MDC1: variants seen among roughly 807,000 people sequenced by gnomAD.
MDC1 encodes the protein mediator of DNA damage checkpoint protein 1.
Under a neutral mutation model 142.5 loss-of-function variants are expected in MDC1, and 81 were observed. The observed-to-expected ratio is 0.57, with a 90% CI of 0.47 to 0.68. The LOEUF (loss-of-function observed/expected upper bound fraction) is 0.68, where lower values mean the gene tolerates loss of function less well. Among genes scored for constraint, MDC1 ranks in the 30% least tolerant of loss-of-function variants. The pLI, the probability that MDC1 is intolerant of heterozygous loss-of-function variation, is 0.00. For synonymous variants in MDC1, 797 were observed against 968.4 expected, an observed-to-expected ratio of 0.82 and a Z score of 3.29; for missense variants, 2,119 against 2,547.9, an observed-to-expected ratio of 0.83 and a Z score of 3.62.
rs1774255596 is a variant in MDC1, at chr6:30,708,324, G to A, written c.2255C>T (p.Thr752Ile). Residue 752 changes from threonine to isoleucine, a missense_variant, in exon 8 of 15, where the codon ACA becomes ATA. Transcript: ENST00000376406. Reference protein sequence around the residue: ...TLDEPWEVLATQPFCLRESED... With the variant: ...TLDEPWEVLAIQPFCLRESED... The stretch of plus-strand genomic sequence containing the variant: ...AGACTCTCTCAGACAGAATGGCTGT[G>A]TAGCCAGGACCTCCCATGGTTCATC... 2 of 1,612,038 alleles carry A rather than the reference G, an allele frequency of 1.2e-6. No homozygotes were observed. Among genetic ancestry groups the A allele is most frequent in the Non-Finnish European group, 1.7e-6 (2 of 1,180,004 alleles).
At position 30,716,227 on chromosome 6, in the gene MDC1, CTTT is replaced by C. The variant is rs113041889; in HGVS notation, c.-4+1015_-4+1017del. ...ATTCAGTTCAAATGTCACTTTCTTT[CTTT>C]TTTTTTTTTTTGAGATGGAATCTCG... On this transcript the variant is annotated intron_variant, in intron 1 of 14. Coordinates refer to ENST00000376406, the MANE Select transcript of MDC1 (RefSeq NM_014641.3). This position sits in a 1 kb window ranked among gnomAD's most constrained non-coding sequence, Gnocchi z 4.4. Among the ~76,000 whole-genome samples, 2 of 144,364 alleles carry C rather than the reference CTTT, an allele frequency of 1.4e-5. No homozygotes were observed. The highest frequency in any genetic ancestry group is 6.9e-5 in the Admixed American group (1 of 14,408). The allele number at this position is 144,364 out of a possible 152,430, so 94.7% of individuals were successfully genotyped here.
In MDC1 at chr6:30,712,285, C is replaced by T. The variant is rs1009033052; in HGVS notation, c.1657G>A (p.Val553Met). The T allele has an allele frequency of 1.2e-6, 2 of 1,613,146 alleles. No homozygotes were observed. Among genetic ancestry groups the T allele is most frequent in the Non-Finnish European group, 1.7e-6 (2 of 1,180,052 alleles). ...VSVEGTNQTD[V>M]KAVGGPAKLL... ...TTTGCTGGTCCCCCAACTGCTTTCA[C>T]ATCTGTTTGATTTGTCCCCTCCACA... is the stretch of plus-strand genomic sequence containing the variant. The change falls in exon 5 of 15, where the codon GTG (valine) becomes ATG (methionine). Residue 553 changes from valine (V) to methionine (M), a missense_variant. Val to Met is a conservative substitution (Grantham distance 21, BLOSUM62 1). Transcript: ENST00000376406. The surrounding 1 kb of genome is among the most constrained non-coding windows in gnomAD (Gnocchi z 4.7).
Position 30,703,494 on chromosome 6 carries a change from G to A in MDC1, c.5606C>T (p.Ala1869Val), listed in dbSNP as rs758154292. The A allele has an allele frequency of 6.2e-7, 1 of 1,613,684 alleles. No homozygotes were observed. Among genetic ancestry groups the A allele is most frequent in the Non-Finnish European group, 8.5e-7 (1 of 1,180,038 alleles). ...TGGTATTCTGTTGGGCTCCTCCTCT[G>A]CCTGGTCTCTCTTTCTCTTGCCTGG... ...PKPGKRKRDQAEEEPNRIPSR... is the reference protein window; with the variant it reads ...PKPGKRKRDQVEEEPNRIPSR... The change falls in exon 11 of 15, where the codon GCA becomes GTA. Residue 1869 changes from alanine (A) to valine (V), a missense_variant. Coordinates refer to ENST00000376406, the MANE Select transcript of MDC1 (RefSeq NM_014641.3). This position sits in a 1 kb window ranked among gnomAD's most constrained non-coding sequence, Gnocchi z 4.4.
In MDC1 at chr6:30,705,042, G is replaced by T. The variant is rs772572746; in HGVS notation, c.4141C>A (p.Gln1381Lys). 4.3e-6 allele frequency: 7 copies of T among 1,612,280 alleles called. No homozygotes were observed. Among genetic ancestry groups the T allele is most frequent in the Non-Finnish European group, 5.9e-6 (7 of 1,179,444 alleles). ...PELPPSTSTE[Q>K]PVTPEPTSRA... ...GATGTGGGCTCAGGGGTGACAGGCT[G>T]CTCTGTGGAGGTGGAAGGTGGGAGC... is the stretch of plus-strand genomic sequence containing the variant. The change falls in exon 10 of 15, where the codon CAG becomes AAG. Residue 1381 changes from glutamine to lysine, a missense_variant. Gln to Lys is a moderately conservative substitution (Grantham distance 53). Coordinates refer to ENST00000376406, the MANE Select transcript of MDC1 (RefSeq NM_014641.3).
chr6:30,704,236 A>C lies in MDC1; in HGVS notation c.4947T>G (p.Thr1649=). ...RRKTNRSSVK[T]PKPVEPAASD... ...AGGCTGCTGGTTCAACTGGTTTGGG[A>C]GTCTTGACAGAGGACCTATTTGTCT... Residue 1649 remains threonine, a synonymous_variant, in exon 10 of 15, where the codon ACT becomes ACG. Transcript: ENST00000376406. The C allele has an allele frequency of 6.2e-7, 1 of 1,612,538 alleles. No homozygotes were observed. The highest frequency in any genetic ancestry group is 8.5e-7 in the Non-Finnish European group (1 of 1,179,540).
At chr6:30,701,389 G>A (rs945247753) in intron 14 of MDC1, among the ~76,000 whole-genome samples, 4 of 150,178 alleles carry the variant, frequency 2.7e-5, no homozygotes, top group Non-Finnish European at 4.4e-5. Context: ...GACAGAGTGA[G>A]ACTCTCTCAA....
chr6:30,704,239 C>T lies in MDC1; in HGVS notation c.4944G>A (p.Lys1648=), dbSNP rs1209831234. The T allele has an allele frequency of 6.2e-7, 1 of 1,613,422 alleles. No individual in the cohort carries two copies. Among genetic ancestry groups the T allele is most frequent in the Non-Finnish European group, 8.5e-7 (1 of 1,179,804 alleles). Residue 1648 remains lysine (K), a synonymous_variant, in exon 10 of 15, where the codon AAG becomes AAA. Coordinates refer to ENST00000376406, the MANE Select transcript of MDC1 (RefSeq NM_014641.3). ...CTGCTGGTTCAACTGGTTTGGGAGTCTTGACAGAGGACCTATTTGTCTTTC... is the reference window on the plus strand; with the variant it reads ...CTGCTGGTTCAACTGGTTTGGGAGTTTTGACAGAGGACCTATTTGTCTTTC... ...TRRKTNRSSV[K]TPKPVEPAAS...
At position 30,705,462 on chromosome 6, in the gene MDC1, C is replaced by G. The variant is rs779612280; in HGVS notation, c.3721G>C (p.Glu1241Gln). The G allele has an allele frequency of 6.2e-7, 1 of 1,610,382 alleles. No homozygotes were observed. The highest frequency in any genetic ancestry group is 1.1e-5 in the South Asian group (1 of 90,846). Reference sequence around the variant, plus strand: ...TCAGGGGCTGTGGGGACAACTGGTTCAGGGGTCTTGACAGAGGATCTATTT... The same window carrying G: ...TCAGGGGCTGTGGGGACAACTGGTTGAGGGGTCTTGACAGAGGATCTATTT... ...RKNRSSVKTP[E>Q]PVVPTAPELQ... The change falls in exon 10 of 15, where the codon GAA becomes CAA. Residue 1241 changes from glutamate (E) to glutamine (Q), a missense_variant. Transcript: ENST00000376406.
rs1554198472 is a variant in MDC1 at position 30,716,230 on chromosome 6, T to TC, written c.-4+1014_-4+1015insG. Among the ~76,000 whole-genome samples, 1 of 150,758 alleles carries TC rather than the reference T, an allele frequency of 6.6e-6. No homozygotes were observed. Among genetic ancestry groups the TC allele is most frequent in the Non-Finnish European group, 1.5e-5 (1 of 67,668 alleles). ...CAGTTCAAATGTCACTTTCTTTCTT[T>TC]TTTTTTTTTTTGAGATGGAATCTCG... On this transcript the variant is annotated intron_variant, in intron 1 of 14. Coordinates refer to ENST00000376406, the MANE Select transcript of MDC1 (RefSeq NM_014641.3). This position sits in a 1 kb window ranked among gnomAD's most constrained non-coding sequence, Gnocchi z 4.4.
chr6:30,708,204 T>A lies in MDC1; in HGVS notation c.2375A>T (p.Glu792Val). The change falls in exon 8 of 15, where the codon GAG (glutamate) becomes GTG (valine). Residue 792 changes from glutamate (E) to valine (V), a missense_variant. Glu to Val is a moderately radical substitution (Grantham distance 121, BLOSUM62 -2). Transcript: ENST00000376406. Reference sequence around the variant, plus strand: ...CATTGGCTCTGTGTGAACTGGGCTCTCTGGATGTTGGTCTCCTGGTATTGC... The same window carrying A: ...CATTGGCTCTGTGTGAACTGGGCTCACTGGATGTTGGTCTCCTGGTATTGC... ...PRAIPGDQHP[E>V]SPVHTEPMGI... 6.2e-7 allele frequency: 1 copy of A among 1,613,170 alleles called. No homozygotes were observed. The highest frequency in any genetic ancestry group is 8.5e-7 in the Non-Finnish European group (1 of 1,180,034).
chr6:30,701,952 A>G (rs1215244136), intron 14 of MDC1, among the ~76,000 whole-genome samples: 1 of 152,116 alleles, frequency 6.6e-6, no homozygotes, highest in Non-Finnish European at 1.5e-5. Flanking sequence ...AAGAAATGAA[A>G]TACTTCAGCA....
Position 30,713,442 on chromosome 6 carries a change from C to A in MDC1, c.588-88G>T. 4.3e-6 allele frequency: 6 copies of A among 1,399,854 alleles called. No homozygotes were observed. Among genetic ancestry groups the A allele is most frequent in the Non-Finnish European group, 5.7e-6 (6 of 1,044,950 alleles). The allele number at this position is 1,399,854 out of a possible 1,614,324, so 86.7% of individuals were successfully genotyped here. ...ACTGTGAGCTCCTTGAGGGGAGACA[C>A]AAGGTAGCATATTTCTTCTTCTGTT... On this transcript the variant is annotated intron_variant, in intron 4 of 14. Coordinates refer to ENST00000376406, the MANE Select transcript of MDC1 (RefSeq NM_014641.3). This position sits in a 1 kb window ranked among gnomAD's most constrained non-coding sequence, Gnocchi z 4.9.
chr6:30,711,345 T>C, intron 7 of MDC1, 67 bp downstream of exon 7: 2 of 1,420,682 alleles, frequency 1.4e-6, no homozygotes, highest in East Asian at 2.3e-5. Context: ...TAATCCAGCC[T>C]GAGTGACAGA....
intron 14 of MDC1, among the ~76,000 whole-genome samples, chr6:30,700,963 C>T (rs1466337035): frequency 1.3e-5 from 2 of 149,702 alleles, no homozygotes; most frequent in Admixed American, 1.3e-4. Flanking sequence ...GTCCCAGCTA[C>T]TCGGGAGGCT....
chr6:30,714,305 G>A (rs578257053), intron 2 of MDC1, 122 bp from the exon 3 acceptor site: 2 of 1,064,766 alleles, frequency 1.9e-6, no homozygotes, highest in South Asian at 3.4e-5. Flanking sequence ...AAAATAAAAG[G>A]CCCTAGGACA....
Position 30,704,428 on chromosome 6 carries a change from G to T in MDC1, c.4755C>A (p.Asn1585Lys). 1 of 1,612,510 alleles carries T rather than the reference G, an allele frequency of 6.2e-7. No homozygotes were observed. The highest frequency in any genetic ancestry group is 8.5e-7 in the Non-Finnish European group (1 of 1,179,500). Residue 1585 changes from asparagine (N) to lysine (K), a missense_variant, in exon 10 of 15, where the codon AAC becomes AAA. Physicochemically the swap from Asn to Lys is moderately conservative, Grantham distance 94 (BLOSUM62 0). Coordinates refer to ENST00000376406, the MANE Select transcript of MDC1 (RefSeq NM_014641.3). ...APELQPSTSR[N>K]QLVTPEPTSR... is the part of the protein sequence containing the mutation. The stretch of plus-strand genomic sequence containing the variant: ...ATGTGGGCTCAGGGGTGACAAGCTG[G>T]TTTCTGGAGGTGGAAGGCTGAAGCT...
At chr6:30,710,862 C>CA (rs1774760648) in intron 7 of MDC1, among the ~76,000 whole-genome samples, 1 of 152,122 alleles carries the variant, frequency 6.6e-6, no homozygotes, top group Non-Finnish European at 1.5e-5. Context: ...CTCAACTGAT[C>CA]TTCCCATCCT....
In MDC1 at chr6:30,705,866, T is replaced by C; in HGVS notation, c.3317A>G (p.Lys1106Arg). ...TCTGGAGGACTTCCGAGTTCTAATT[T>C]TAGGCTTTGGGTGGAAAGGCTCCAG... ...SELEPFHPKP[K>R]IRTRKSSRMT... The change falls in exon 10 of 15, where the codon AAA (lysine) becomes AGA (arginine). Residue 1106 changes from lysine (K) to arginine (R), a missense_variant. Transcript: ENST00000376406. The C allele has an allele frequency of 6.2e-7, 1 of 1,610,802 alleles. No homozygotes were observed. Among genetic ancestry groups the C allele is most frequent in the South Asian group, 1.1e-5 (1 of 90,818 alleles).
rs536588574 is a variant in MDC1 at position 30,716,349 on chromosome 6, G to A, written c.-4+896C>T. On this transcript the variant is annotated intron_variant, in intron 1 of 14. Transcript: ENST00000376406. The surrounding 1 kb of genome is among the most constrained non-coding windows in gnomAD (Gnocchi z 4.4). ...AGCGATTCTCCTGCCTCAGCCTCCCGAGCAGCTGGGATTACAGGCGCCCGG... is the reference window on the plus strand; with the variant it reads ...AGCGATTCTCCTGCCTCAGCCTCCCAAGCAGCTGGGATTACAGGCGCCCGG... Among the ~76,000 whole-genome samples, 2 of 151,764 alleles carry A rather than the reference G, an allele frequency of 1.3e-5. No individual in the cohort carries two copies. Among genetic ancestry groups the A allele is most frequent in the East Asian group, 3.9e-4 (2 of 5,164 alleles).
Sources: allele counts gnomAD v4.1 joint callset (sites outside exome capture counted in the v4.1 genomes callset), GRCh38; gene constraint gnomAD v4.1.1; non-coding constraint Gnocchi (gnomAD v3.1); transcripts MANE v1.5; gene names NCBI Gene and HGNC (gene_info 2026-07-23, HGNC 2026-07-21).